The following ARHGEF28 variants were observed in gnomAD, a reference collection of about 807,000 sequenced individuals.
The protein encoded by ARHGEF28 is Rho guanine nucleotide exchange factor 28.
In ARHGEF28, 152 loss-of-function variants were observed where a neutral mutation model predicts 206.6. The observed-to-expected ratio is 0.74, with a 90% CI of 0.64 to 0.84. The LOEUF is 0.84. Ranked by LOEUF, ARHGEF28 falls within the 40% of genes least tolerant of loss-of-function variation. The pLI is 0.00. For missense variants in ARHGEF28, 2,028 were observed against 2,073.2 expected (o/e 0.98, Z 0.42); for synonymous variants, 763 against 776.4 (o/e 0.98, Z 0.29).
At position 73,753,076 on chromosome 5, in the gene ARHGEF28, A is replaced by G; in HGVS notation, c.349A>G (p.Thr117Ala). ...ANRLTACSHQ[T>A]LLTPFALTAG... ...TCGCCTCACAGCCTGCAGCCACCAG[A>G]CCCTGCTGACCCCATTTGCCTTGAC... The change falls in exon 4 of 36, where the codon ACC becomes GCC. Residue 117 changes from threonine to alanine, a missense_variant. Around this residue, in one of 3 missense-constraint regions of ARHGEF28, gnomAD observed 1,002 missense variants for 1,015.3 expected, o/e 0.99. Coordinates refer to ENST00000513042, the MANE Select transcript of ARHGEF28 (RefSeq NM_001177693.2). The G allele has an allele frequency of 6.2e-7, 1 of 1,608,898 alleles. No individual in the cohort carries two copies. Among genetic ancestry groups the G allele is most frequent in the Non-Finnish European group, 8.5e-7 (1 of 1,177,480 alleles).
chr5:73,662,244 A>T (rs1745655894), intron 1 of ARHGEF28, among the ~76,000 whole-genome samples: 1 of 152,194 alleles, frequency 6.6e-6, no homozygotes, highest in African/African-American at 2.4e-5. Context: ...ATAATAGTGC[A>T]TTGGCCAAAA....
chr5:73,781,689 C>A (rs562045908), intron 7 of ARHGEF28, among the ~76,000 whole-genome samples: 1 of 152,196 alleles, frequency 6.6e-6, no homozygotes, highest in Non-Finnish European at 1.5e-5. Flanking sequence ...AAAATCTAAC[C>A]ACATTATTGC....
At chr5:73,762,455 C>CAAAAAAAAA (rs35028103) in intron 4 of ARHGEF28, among the ~76,000 whole-genome samples, 5 of 66,862 alleles carry the variant, frequency 7.5e-5, no homozygotes, top group Non-Finnish European at 1.7e-4. Flanking sequence ...GACTCCCTCT[C>CAAAAAAAAA]AAAAAAAAAA....
chr5:73,854,157 C>A (rs904419895), intron 14 of ARHGEF28, among the ~76,000 whole-genome samples: 1 of 152,046 alleles, frequency 6.6e-6, no homozygotes. Context: ...CACTCTATTC[C>A]TGCTATCTTA....
intron 22 of ARHGEF28, among the ~76,000 whole-genome samples, chr5:73,875,406 G>A (rs200420053): frequency 1.9e-4 from 28 of 147,990 alleles, no homozygotes; most frequent in East Asian, 9.9e-4. Context: ...TTTGCTGTGC[G>A]GAAGCTCTTT....
chr5:73,837,694 G>A (rs77660130), intron 10 of ARHGEF28, among the ~76,000 whole-genome samples: 14,734 of 149,898 alleles, frequency 0.098, 944 homozygotes, highest in Non-Finnish European at 0.15. Context: ...ATTTTCTTTC[G>A]TTCTCTTTCT....
chr5:73,811,083 C>G (rs1400844026), intron 9 of ARHGEF28, among the ~76,000 whole-genome samples: 1 of 151,724 alleles, frequency 6.6e-6, no homozygotes, highest in Non-Finnish European at 1.5e-5. Flanking sequence ...GGAAATTTTG[C>G]ATTTCAAAGG....
At chr5:73,860,156 A>G (rs929881427) in intron 16 of ARHGEF28, among the ~76,000 whole-genome samples, 4 of 152,194 alleles carry the variant, frequency 2.6e-5, no homozygotes, top group Non-Finnish European at 5.9e-5. Flanking sequence ...TACGCGCAGA[A>G]ATTAGTTCTT....
At chr5:73,794,612 T>C (rs1046058500) in intron 8 of ARHGEF28, among the ~76,000 whole-genome samples, 158 bp downstream of exon 8, 4 of 148,462 alleles carry the variant, frequency 2.7e-5, no homozygotes, top group East Asian at 1.9e-4. Flanking sequence ...TTCTTTCTTT[T>C]TTTTTTTTTT....
At chr5:73,851,070 CTG>C (rs1356864490) in intron 13 of ARHGEF28, among the ~76,000 whole-genome samples, 2 of 152,146 alleles carry the variant, frequency 1.3e-5, no homozygotes, top group South Asian at 2.1e-4. Flanking sequence ...ATAATTTTAT[CTG>C]TGTTTATGTA....
intron 2 of ARHGEF28, among the ~76,000 whole-genome samples, chr5:73,730,737 T>C (rs1227372526): frequency 6.6e-6 from 1 of 152,106 alleles, no homozygotes. Context: ...GGTTTTGCCA[T>C]GTTGCACAGG....
chr5:73,849,057 C>G lies in ARHGEF28; in HGVS notation c.1717C>G (p.Arg573Gly), dbSNP rs200889312. 7.0e-6 allele frequency: 11 copies of G among 1,571,648 alleles called. No homozygotes were observed. Among genetic ancestry groups the G allele is most frequent in the African/African-American group, 1.4e-5 (1 of 73,958 alleles). The change falls in exon 13 of 36, where the codon CGT (arginine) becomes GGT (glycine). Residue 573 changes from arginine (R) to glycine (G), a missense_variant. This residue lies in a region of ARHGEF28 where 1,002 missense variants were observed against 1,015.3 expected (regional missense o/e 0.99). Transcript: ENST00000513042. ...KISLGKTRLV[R>G]ELTVCSSSEE... ...TTCTTTAGGAAAAACTCGTTTGGTG[C>G]GTGAATTAACAGTATGCAGTTCAAG...
At chr5:73,862,860 T>TAAA (rs35766981) in intron 16 of ARHGEF28, among the ~76,000 whole-genome samples, 1 of 145,690 alleles carries the variant, frequency 6.9e-6, no homozygotes. Context: ...TTTGTTTCTT[T>TAAA]AAAAAAAAAA....
intron 2 of ARHGEF28, among the ~76,000 whole-genome samples, chr5:73,690,525 CAAAAAAAAAA>C (rs71615796): frequency 1.3e-4 from 3 of 23,356 alleles, no homozygotes; most frequent in African/African-American, 2.9e-4. Context: ...TCTGTCTTTA[CAAAAAAAAAA>C]AAAAAAAAAA....
At chr5:73,740,327 C>T (rs970307826) in intron 2 of ARHGEF28, among the ~76,000 whole-genome samples, 2 of 152,180 alleles carry the variant, frequency 1.3e-5, no homozygotes, top group African/African-American at 2.4e-5. Flanking sequence ...ATTCTAGACA[C>T]TGAATATTAG....
At chr5:73,932,363 T>A (rs1322141155) in intron 35 of ARHGEF28, among the ~76,000 whole-genome samples, 1 of 152,172 alleles carries the variant, frequency 6.6e-6, no homozygotes, top group Non-Finnish European at 1.5e-5. Flanking sequence ...AGCCTATAAT[T>A]TGGGTAAATC....
chr5:73,778,239 A>G (rs1253121460), intron 6 of ARHGEF28: 2 of 152,270 alleles, frequency 1.3e-5, no homozygotes, highest in Non-Finnish European at 2.9e-5. Context: ...AGAGATGCTC[A>G]GACAGCGGCA....
chr5:73,641,404 CT>C (rs34541531), intron 1 of ARHGEF28, among the ~76,000 whole-genome samples: 4,028 of 70,482 alleles, frequency 0.057, 140 homozygotes, highest in African/African-American at 0.21. Context: ...AGGGGAAAGG[CT>C]TTTTTTTTTT....
intron 2 of ARHGEF28, among the ~76,000 whole-genome samples, chr5:73,708,817 A>G (rs1031726424): frequency 5.3e-5 from 8 of 152,198 alleles, no homozygotes; most frequent in African/African-American, 1.7e-4. Context: ...ACTAATTTAT[A>G]TTCCTACCCA....
Sources: gnomAD v4.1 joint callset for allele counts (sites outside exome capture counted in the v4.1 genomes callset) on GRCh38, gnomAD v4.1.1 for gene constraint, gnomAD v4.1.1 regional missense constraint, MANE v1.5 for transcripts, NCBI Gene and HGNC (gene_info 2026-07-23, HGNC 2026-07-21) for gene names.